SRRM2: variants seen among roughly 807,000 people sequenced by gnomAD.
The protein encoded by SRRM2 is serine/arginine repetitive matrix protein 2.
SRRM2 carries 30 observed loss-of-function variants against 213.8 expected under a neutral mutation model. The ratio of observed to expected loss-of-function variants is 0.14; its 90% CI spans 0.10 to 0.19. The LOEUF is 0.19. SRRM2 is among the 10% of genes least tolerant of loss of function. The pLI is 1.00. For synonymous variants in SRRM2, 2,025 were observed against 1,377.7 expected (o/e 1.47, Z -10.40); for missense variants, 4,904 against 3,647.0 (o/e 1.34, Z -8.88).
rs2068402883 is a variant in SRRM2 at position 2,762,745 on chromosome 16, A to G, written c.2217A>G (p.Arg739=). 4 of 1,614,230 alleles carry G rather than the reference A, an allele frequency of 2.5e-6. No individual in the cohort carries two copies. In the South Asian group the frequency reaches 3.3e-5, roughly 13 times the overall value. ...ERKNKSRTSQ[R]RSRSNSSPEM... is the part of the protein sequence containing the mutation. ...AAAACAAATCCAGAACATCTCAAAG[A>G]AGAAGCAGGTCCAATTCAAGCCCAG... Residue 739 remains arginine (R), a synonymous_variant, in exon 11 of 15, where the codon AGA becomes AGG. Coordinates refer to ENST00000301740, the MANE Select transcript of SRRM2 (RefSeq NM_016333.4).
intron 1 of SRRM2, among the ~76,000 whole-genome samples, chr16:2,753,237 G>A (rs1243946300): frequency 6.6e-6 from 1 of 152,242 alleles, no homozygotes; most frequent in Admixed American, 6.5e-5. Flanking sequence ...GCTTGCTCCT[G>A]GACCCTTGCC....
chr16:2,765,961 TCGG>T lies in SRRM2; in HGVS notation c.5440_5442del (p.Arg1815del). 1.9e-6 allele frequency: 3 copies of T among 1,614,042 alleles called. No individual in the cohort carries two copies. Among genetic ancestry groups the T allele is most frequent in the Non-Finnish European group, 1.7e-6 (2 of 1,179,992 alleles). On this transcript the variant is annotated inframe_deletion, in exon 11 of 15. Coordinates refer to ENST00000301740, the MANE Select transcript of SRRM2 (RefSeq NM_016333.4). ...GGAGCCGGTCAAGGTCGCGGGTTAC[TCGG>T]CGGCGGAGGGGAGGCTCTGGTTATC... is the stretch of plus-strand genomic sequence containing the variant.
At chr16:2,753,221 C>T (rs1006564613) in intron 1 of SRRM2, among the ~76,000 whole-genome samples, 3 of 152,200 alleles carry the variant, frequency 2.0e-5, no homozygotes, top group African/African-American at 7.2e-5. Context: ...GGGGCGGCGG[C>T]GGGGGGCTTG....
chr16:2,760,222 G>A, intron 9 of SRRM2, 79 bp from the exon 10 acceptor site: 1 of 1,394,008 alleles, frequency 7.2e-7, no homozygotes, highest in Non-Finnish European at 9.9e-7. Flanking sequence ...AAAGGTGGAT[G>A]GGAGTTGGGG....
rs373223184 is a variant in SRRM2, at chr16:2,765,897, G to T, written c.5369G>T (p.Arg1790Met). Residue 1790 changes from arginine to methionine, a missense_variant, in exon 11 of 15, where the codon AGG (arginine) becomes ATG (methionine). Coordinates refer to ENST00000301740, the MANE Select transcript of SRRM2 (RefSeq NM_016333.4). ...ACAAGAACAACCCGACGTCGAGATA[G>T]GTCTGGATCTTCTCAGTCAACCTCT... ...EKTRTTRRRD[R>M]SGSSQSTSRR... The T allele has an allele frequency of 1.9e-6, 3 of 1,614,076 alleles. No homozygotes were observed. The highest frequency in any genetic ancestry group is 1.7e-6 in the Non-Finnish European group (2 of 1,180,044).
Position 2,771,097 on chromosome 16 carries a change from G to GCC in SRRM2, c.*230_*231insCC. The GCC allele has an allele frequency of 3.0e-6, 1 of 336,638 alleles. No individual in the cohort carries two copies. Among genetic ancestry groups the GCC allele is most frequent in the Non-Finnish European group, 5.7e-6 (1 of 174,698 alleles). 20.9% of individuals were successfully genotyped at this position (336,638 alleles called of 1,614,324 possible). On this transcript the variant is annotated 3_prime_UTR_variant, in exon 15 of 15. Transcript: ENST00000301740. Reference sequence around the variant, plus strand: ...GTTCTGGGGGGTTTGGGGTGGGAGGGAATGCAGATGGGAGTTGGGGGAGGG... The same window carrying GCC: ...GTTCTGGGGGGTTTGGGGTGGGAGGGCCAATGCAGATGGGAGTTGGGGGAGGG...
In SRRM2 at chr16:2,765,557, G is replaced by C. The variant is rs751782377; in HGVS notation, c.5029G>C (p.Glu1677Gln). Reference protein sequence around the residue: ...TARRGSRSSPEPKTKSRTPPR... With the variant: ...TARRGSRSSPQPKTKSRTPPR... ...TCGCAGAGGTTCCAGGTCATCACCA[G>C]AGCCCAAGACCAAGTCTCGTACACC... Residue 1677 changes from glutamate (E) to glutamine (Q), a missense_variant, in exon 11 of 15, where the codon GAG becomes CAG. Transcript: ENST00000301740. 3.1e-6 allele frequency: 5 copies of C among 1,614,174 alleles called. No individual in the cohort carries two copies. The highest frequency in any genetic ancestry group is 4.2e-6 in the Non-Finnish European group (5 of 1,180,030).
At position 2,765,210 on chromosome 16, in the gene SRRM2, C is replaced by G. The variant is rs28591365; in HGVS notation, c.4682C>G (p.Ser1561Cys). 4 of 1,614,194 alleles carry G rather than the reference C, an allele frequency of 2.5e-6. No individual in the cohort carries two copies. Among genetic ancestry groups the G allele is most frequent in the Non-Finnish European group, 3.4e-6 (4 of 1,180,026 alleles). ...ASPQERSESD[S>C]SPDSKAKTRT... ...CCTCAGGAAAGAAGTGAGTCAGACT[C>G]TTCTCCAGATTCTAAAGCCAAGACA... The change falls in exon 11 of 15, where the codon TCT becomes TGT. Residue 1561 changes from serine (S) to cysteine (C), a missense_variant. Ser to Cys is a moderately radical substitution (Grantham distance 112). Coordinates refer to ENST00000301740, the MANE Select transcript of SRRM2 (RefSeq NM_016333.4).
rs780143672 is a variant in SRRM2 at position 2,769,022 on chromosome 16, A to G, written c.7759A>G (p.Lys2587Glu). The change falls in exon 12 of 15, where the codon AAG becomes GAG. Residue 2587 changes from lysine to glutamate, a missense_variant. Transcript: ENST00000301740. The stretch of plus-strand genomic sequence containing the variant: ...GGTCCCCAGCCCCACCCCAGCCCCA[A>G]AGGAGGCTGTTCGAGAGGGACGTCC... ...KRVPSPTPAP[K>E]EAVREGRPPE... is the part of the protein sequence containing the mutation. 3.1e-6 allele frequency: 5 copies of G among 1,613,916 alleles called. No individual in the cohort carries two copies. Among genetic ancestry groups the G allele is most frequent in the Non-Finnish European group, 3.4e-6 (4 of 1,179,942 alleles).
chr16:2,768,412 G>A, intron 11 of SRRM2, 151 bp downstream of exon 11: 1 of 819,516 alleles, frequency 1.2e-6, no homozygotes, highest in Non-Finnish European at 1.9e-6. Flanking sequence ...AGAGAATGCT[G>A]GGGCAGGGGG....
At chr16:2,760,277 C>T in intron 9 of SRRM2, 24 bp from the exon 10 acceptor site, 1 of 1,606,706 alleles carries the variant, frequency 6.2e-7, no homozygotes, top group Non-Finnish European at 8.5e-7. Flanking sequence ...CTTCCTCTCC[C>T]ACGTCCTCAA....
In SRRM2 at chr16:2,771,052, G is replaced by C. The variant is rs902545465; in HGVS notation, c.*185G>C. The C allele has an allele frequency of 1.9e-5, 9 of 462,822 alleles. No individual in the cohort carries two copies. Among genetic ancestry groups the C allele is most frequent in the Non-Finnish European group, 3.4e-5 (9 of 262,322 alleles). 28.7% of individuals were successfully genotyped at this position (462,822 alleles called of 1,614,324 possible). A position where few individuals can be genotyped will look rare whatever the true frequency, so the allele number is the denominator to read the frequency against. ...GTTCCTGTGAAATGTTAATCTCCGT[G>C]AGTTCTTCCTGGTTCATGTGTTCTG... On this transcript the variant is annotated 3_prime_UTR_variant, in exon 15 of 15. Coordinates refer to ENST00000301740, the MANE Select transcript of SRRM2 (RefSeq NM_016333.4).
chr16:2,761,968 G>T lies in SRRM2; in HGVS notation c.1440G>T (p.Arg480Ser), dbSNP rs775651032. Residue 480 changes from arginine to serine, a missense_variant, in exon 11 of 15, where the codon AGG becomes AGT. Coordinates refer to ENST00000301740, the MANE Select transcript of SRRM2 (RefSeq NM_016333.4). ...CACATTCTCATACCCCCTCCCGTAGGATGGGGAGGTCCCGTAGCCCTGCCA... is the reference window on the plus strand; with the variant it reads ...CACATTCTCATACCCCCTCCCGTAGTATGGGGAGGTCCCGTAGCCCTGCCA... ...DKSHSHTPSRRMGRSRSPATA... is the reference protein window; with the variant it reads ...DKSHSHTPSRSMGRSRSPATA... 1 of 1,614,124 alleles carries T rather than the reference G, an allele frequency of 6.2e-7. No homozygotes were observed. Among genetic ancestry groups the T allele is most frequent in the African/African-American group, 1.3e-5 (1 of 75,024 alleles).
rs756795830 is a variant in SRRM2, at chr16:2,768,301, G to C, written c.7733+40G>C. ...CTTTTAGAAATCTTCAGTGGGGGAG[G>C]TATTGGGGATGGGTTGGGGAGTGGG... On this transcript the variant is annotated intron_variant, in intron 11 of 14. Transcript: ENST00000301740. 2.8e-6 allele frequency: 4 copies of C among 1,410,650 alleles called. No individual in the cohort carries two copies. The African/African-American group carries it at 5.8e-5, about 20-fold the overall frequency. The allele number at this position is 1,410,650 out of a possible 1,614,324, so 87.4% of individuals were successfully genotyped here.
chr16:2,768,991 C>A lies in SRRM2; in HGVS notation c.7734-6C>A. On this transcript the variant is annotated splice_polypyrimidine_tract_variant and splice_region_variant and intron_variant, in intron 11 of 14. Coordinates refer to ENST00000301740, the MANE Select transcript of SRRM2 (RefSeq NM_016333.4). ...GTCTCCTTGTGACACTCCTCTCCTC[C>A]CACAGGGTCCCCAGCCCCACCCCAG... 6.2e-7 allele frequency: 1 copy of A among 1,612,992 alleles called. No homozygotes were observed.
At chr16:2,757,280 T>C (rs2068177785) in intron 2 of SRRM2, among the ~76,000 whole-genome samples, 192 bp from the exon 3 acceptor site, 1 of 152,124 alleles carries the variant, frequency 6.6e-6, no homozygotes, top group East Asian at 1.9e-4. Flanking sequence ...AAATCCACTG[T>C]TCTAGAGGGA....
In SRRM2 at chr16:2,759,193, A is replaced by G. The variant is rs757848799; in HGVS notation, c.689+21A>G. 7.4e-6 allele frequency: 12 copies of G among 1,613,636 alleles called. No homozygotes were observed. The East Asian group carries it at 1.8e-4, about 24-fold the overall frequency. On this transcript the variant is annotated intron_variant, in intron 7 of 14. Transcript: ENST00000301740. ...CATAGGTAAGAGCTCTTTAACTCAT[A>G]GGGGGCGCAGTGGCATGTGGAGTGG...
chr16:2,760,898 G>T, intron 10 of SRRM2: 1 of 175,666 alleles, frequency 5.7e-6, no homozygotes, highest in Non-Finnish European at 1.2e-5. Flanking sequence ...CACTGAAATA[G>T]TCTTCAGTAG....
chr16:2,763,348 G>T lies in SRRM2; in HGVS notation c.2820G>T (p.Arg940Ser). 1 of 1,614,126 alleles carries T rather than the reference G, an allele frequency of 6.2e-7. No individual in the cohort carries two copies. The highest frequency in any genetic ancestry group is 1.1e-5 in the South Asian group (1 of 91,080). Reference protein sequence around the residue: ...HSGSSSPSPSRVTSRTTPRRS... With the variant: ...HSGSSSPSPSSVTSRTTPRRS... ...GCTCCTCTTCTCCAAGTCCTAGTAG[G>T]GTGACGTCGAGAACAACTCCACGGC... The change falls in exon 11 of 15, where the codon AGG (arginine) becomes AGT (serine). Residue 940 changes from arginine (R) to serine (S), a missense_variant. By Grantham distance (110) the Arg-to-Ser change is moderately radical (BLOSUM62 -1). Coordinates refer to ENST00000301740, the MANE Select transcript of SRRM2 (RefSeq NM_016333.4).
Sources: gnomAD v4.1 joint callset for allele counts (sites outside exome capture counted in the v4.1 genomes callset) on GRCh38, gnomAD v4.1.1 for gene constraint, MANE v1.5 for transcripts, NCBI Gene and HGNC (gene_info 2026-07-23, HGNC 2026-07-21) for gene names.